Variants in ZGLP1 observed in about 807,000 individuals in gnomAD.
ZGLP1 encodes GATA-type zinc finger protein 1.
A neutral mutation model predicts 21.4 loss-of-function variants in ZGLP1; 11 were observed. The ratio of observed to expected loss-of-function variants is 0.51; its 90% CI spans 0.32 to 0.85. ZGLP1 has a LOEUF of 0.85. Ranked by LOEUF, ZGLP1 falls within the 40% of genes least tolerant of loss-of-function variation. The pLI is 0.03. For synonymous variants in ZGLP1, 148 were observed against 145.0 expected (o/e 1.02, Z -0.15); for missense variants, 295 against 355.6 (o/e 0.83, Z 1.37).
chr19:10,307,156 T>C (rs1466841879), intron 1 of ZGLP1, among the ~76,000 whole-genome samples: 1 of 151,852 alleles, frequency 6.6e-6, no homozygotes, highest in East Asian at 1.9e-4. Context: ...AAATATTGTT[T>C]TGGCGGCATG....
At chr19:10,307,037 G>A (rs2040283259) in intron 1 of ZGLP1, among the ~76,000 whole-genome samples, 1 of 151,782 alleles carries the variant, frequency 6.6e-6, no homozygotes, top group African/African-American at 2.4e-5. Flanking sequence ...CAGAGGCTGA[G>A]GCAGGAGAAT....
exon 1 of ZGLP1, chr19:10,308,249 C>T: frequency 3.1e-6 from 5 of 1,588,266 alleles, no homozygotes; most frequent in Non-Finnish European, 3.4e-6. Flanking sequence ...GTCACCCCCT[C>T]GAACCCAGGG....
rs1198647184 is a variant in ZGLP1 at position 10,305,114 on chromosome 19, G to A, written c.793C>T (p.Leu265=). The stretch of plus-strand genomic sequence containing the variant: ...GTTTAACCTTCCTGAATGGGGTCCA[G>A]GGACACTCCACATCTGCCACATAGC... The change falls in exon 4 of 4, where the codon CTG becomes TTG. Residue 265 remains leucine, a synonymous_variant. Transcript: ENST00000403903. This position sits in a 1 kb window ranked among gnomAD's most constrained non-coding sequence, Gnocchi z 4.7. The A allele has an allele frequency of 1.9e-6, 3 of 1,613,792 alleles. No homozygotes were observed. The highest frequency in any genetic ancestry group is 2.5e-6 in the Non-Finnish European group (3 of 1,179,828).
rs1322084360 is a variant in ZGLP1 at position 10,305,076 on chromosome 19, AG to A, written c.*14del. On this transcript the variant is annotated 3_prime_UTR_variant, in exon 4 of 4. Transcript: ENST00000403903. The surrounding 1 kb of genome is among the most constrained non-coding windows in gnomAD (Gnocchi z 4.7). ...ACGGAGGCAGAAGCAGCAGCTCAGC[AG>A]GGTGAAGCTGGGTTTAACCTTCCTG... 1.3e-6 allele frequency: 2 copies of A among 1,585,784 alleles called. No homozygotes were observed. Among genetic ancestry groups the A allele is most frequent in the Non-Finnish European group, 1.7e-6 (2 of 1,154,334 alleles).
chr19:10,305,765 A>AG lies in ZGLP1; in HGVS notation c.604+80dup, dbSNP rs531257270. On this transcript the variant is annotated intron_variant, in intron 2 of 3. Coordinates refer to ENST00000403903, the Ensembl canonical transcript of ZGLP1. The surrounding 1 kb of genome is among the most constrained non-coding windows in gnomAD (Gnocchi z 4.7). ...TCTAAATGGGGAAGCAAGATGGAGA[A>AG]GGGGGGGGCAGGGAGAAAGGCAGGG... is the stretch of plus-strand genomic sequence containing the variant. 4.5e-4 allele frequency: 493 copies of AG among 1,104,760 alleles called. 1 individual carries two copies. Among genetic ancestry groups the AG allele is most frequent in the South Asian group, 1.3e-3 (96 of 74,766 alleles). 68.4% of individuals were successfully genotyped at this position (1,104,760 alleles called of 1,614,324 possible). A position where few individuals can be genotyped will look rare whatever the true frequency, so the allele number is the denominator to read the frequency against.
exon 1 of ZGLP1, chr19:10,308,713 C>G: frequency 6.8e-7 from 1 of 1,461,788 alleles, no homozygotes; most frequent in Non-Finnish European, 9.1e-7. Flanking sequence ...TTAAGAGTTG[C>G]AGTAATTGCA....
At chr19:10,309,077 A>T (rs2040297551) in exon 1 of ZGLP1, 1 of 158,480 alleles carries the variant, frequency 6.3e-6, no homozygotes, top group Non-Finnish European at 1.4e-5. Flanking sequence ...GATTTTTATC[A>T]TTTTCATTAT....
chr19:10,304,993 C>T (rs927403916), exon 4 of ZGLP1: 9 of 930,610 alleles, frequency 9.7e-6, no homozygotes, highest in South Asian at 6.2e-5. Flanking sequence ...GGAGGCAGGC[C>T]GGCTCTTTCC....
At chr19:10,306,306 T>TA (rs891122063) in intron 1 of ZGLP1, among the ~76,000 whole-genome samples, 13 of 151,702 alleles carry the variant, frequency 8.6e-5, no homozygotes, top group African/African-American at 3.2e-4. Flanking sequence ...ACAGACGGGG[T>TA]TTCACCATGT....
rs2040270506 is a variant in ZGLP1, at chr19:10,304,923, G to C, written c.*168C>G. 4 of 618,100 alleles carry C rather than the reference G, an allele frequency of 6.5e-6. No homozygotes were observed. The East Asian group carries it at 1.1e-4, about 17-fold the overall frequency. The allele number at this position is 618,100 out of a possible 1,614,324, so 38.3% of individuals were successfully genotyped here. A position where few individuals can be genotyped will look rare whatever the true frequency, so the allele number is the denominator to read the frequency against. On this transcript the variant is annotated 3_prime_UTR_variant, in exon 4 of 4. Coordinates refer to ENST00000403903, the Ensembl canonical transcript of ZGLP1. The stretch of plus-strand genomic sequence containing the variant: ...AGAAGGGGCTGGTGACCCCTAGCAG[G>C]CTCTGCCACCTGAGGCCTGGGTCTT...
rs993354842 is a variant in ZGLP1, at chr19:10,305,772, G to T, written c.604+74C>A. ...GGGGAAGCAAGATGGAGAAGGGGGG[G>T]GCAGGGAGAAAGGCAGGGAAGACAG... On this transcript the variant is annotated intron_variant, in intron 2 of 3. Transcript: ENST00000403903. This position sits in a 1 kb window ranked among gnomAD's most constrained non-coding sequence, Gnocchi z 4.7. 1.6e-5 allele frequency: 19 copies of T among 1,204,078 alleles called. No homozygotes were observed. The highest frequency in any genetic ancestry group is 7.9e-5 in the Admixed American group (4 of 50,466). The allele number at this position is 1,204,078 out of a possible 1,614,324, so 74.6% of individuals were successfully genotyped here.
At chr19:10,307,745 AC>A (rs1287896207) in intron 1 of ZGLP1, among the ~76,000 whole-genome samples, 2 of 151,802 alleles carry the variant, frequency 1.3e-5, no homozygotes, top group African/African-American at 4.8e-5. Flanking sequence ...CAAACTCCTG[AC>A]TTCAGGTGAT....
At chr19:10,307,176 G>C (rs1218662204) in intron 1 of ZGLP1, among the ~76,000 whole-genome samples, 3 of 151,334 alleles carry the variant, frequency 2.0e-5, no homozygotes, top group Non-Finnish European at 1.5e-5. Context: ...GATTAAAAAA[G>C]TCATAATTAT....
rs1307141873 is a variant in ZGLP1, at chr19:10,308,563, G to A, written c.119C>T (p.Ala40Val). The change falls in exon 1 of 4, where the codon GCC (alanine) becomes GTC (valine). Residue 40 changes from alanine (A) to valine (V), a missense_variant. This residue lies in a region of ZGLP1 where 252 missense variants were observed against 264.0 expected (regional missense o/e 0.95). Transcript: ENST00000403903. ...AGGCCAGAGGGACCTGGGGAGAAGGGCAGTGGGGTCACGTTTTCTTGGGTG... is the reference window on the plus strand; with the variant it reads ...AGGCCAGAGGGACCTGGGGAGAAGGACAGTGGGGTCACGTTTTCTTGGGTG... 1.3e-6 allele frequency: 2 copies of A among 1,596,880 alleles called. No individual in the cohort carries two copies. The highest frequency in any genetic ancestry group is 3.5e-5 in the Admixed American group (2 of 56,966).
In ZGLP1 at chr19:10,305,360, C is replaced by T. The variant is rs374380565; in HGVS notation, c.698+30G>A. 4.9e-5 allele frequency: 76 copies of T among 1,564,532 alleles called. No individual in the cohort carries two copies. The highest frequency in any genetic ancestry group is 1.4e-4 in the African/African-American group (10 of 73,828). On this transcript the variant is annotated intron_variant, in intron 3 of 3. Coordinates refer to ENST00000403903, the Ensembl canonical transcript of ZGLP1. This position sits in a 1 kb window ranked among gnomAD's most constrained non-coding sequence, Gnocchi z 4.7. ...ACACGTGGACTGATTTGGGGACCCCCGCCCCAACTCCCTCCTCCATTCTAA... is the reference window on the plus strand; with the variant it reads ...ACACGTGGACTGATTTGGGGACCCCTGCCCCAACTCCCTCCTCCATTCTAA...
intron 1 of ZGLP1, among the ~76,000 whole-genome samples, chr19:10,307,490 C>T (rs1476826107): frequency 6.6e-6 from 1 of 151,120 alleles, no homozygotes; most frequent in East Asian, 2.0e-4. Context: ...GCTGGGATTA[C>T]AGGTGCCCAT....
In ZGLP1 at chr19:10,307,346, C is replaced by CTT. The variant is rs543276157; in HGVS notation, c.497+837_497+838dup. On this transcript the variant is annotated intron_variant, in intron 1 of 3. Coordinates refer to ENST00000403903, the Ensembl canonical transcript of ZGLP1. ...AGCCACCAGGCCCAGCTTCCCAAAGCTTTTTTTTTTTTTTTTTTAAGGGGA... is the reference window on the plus strand; with the variant it reads ...AGCCACCAGGCCCAGCTTCCCAAAGCTTTTTTTTTTTTTTTTTTTTAAGGGGA... Among the ~76,000 whole-genome samples, 198 of 122,974 alleles carry CTT rather than the reference C, an allele frequency of 1.6e-3. No homozygotes were observed. In the South Asian group the frequency reaches 0.018, roughly 11 times the overall value. 80.7% of individuals were successfully genotyped at this position (122,974 alleles called of 152,430 possible).
intron 1 of ZGLP1, among the ~76,000 whole-genome samples, chr19:10,307,346 CTTTT>C (rs543276157): frequency 4.1e-5 from 5 of 122,978 alleles, no homozygotes; most frequent in African/African-American, 6.3e-5. Flanking sequence ...CTTCCCAAAG[CTTTT>C]TTTTTTTTTT....
Position 10,305,847 on chromosome 19 carries a change from C to A in ZGLP1, c.603G>T (p.Leu201=). The A allele has an allele frequency of 6.4e-7, 1 of 1,553,304 alleles. No individual in the cohort carries two copies. Among genetic ancestry groups the A allele is most frequent in the Non-Finnish European group, 8.7e-7 (1 of 1,147,534 alleles). ...AGCTCTTGGGTTTTCAGGACTCACCCAGGGCCTCGCTGCCTGCTGAGTGGG... is the reference window on the plus strand; with the variant it reads ...AGCTCTTGGGTTTTCAGGACTCACCAAGGGCCTCGCTGCCTGCTGAGTGGG... Residue 201 remains leucine (L), a splice_region_variant and synonymous_variant, in exon 2 of 4, where the codon CTG becomes CTT. Transcript: ENST00000403903. This position sits in a 1 kb window ranked among gnomAD's most constrained non-coding sequence, Gnocchi z 4.7.
Sources: gnomAD v4.1 joint callset for allele counts (sites outside exome capture counted in the v4.1 genomes callset) on GRCh38, gnomAD v4.1.1 for gene constraint, gnomAD v4.1.1 regional missense constraint, Gnocchi (gnomAD v3.1) non-coding constraint, MANE v1.5 for transcripts, NCBI Gene and HGNC (gene_info 2026-07-23, HGNC 2026-07-21) for gene names.